The following SPON1 variants were observed in gnomAD, a reference collection of about 807,000 sequenced individuals.
SPON1 encodes the protein spondin 1.
SPON1 carries 52 observed loss-of-function variants against 111.7 expected under a neutral mutation model. That is an observed-to-expected ratio of 0.47 (90% confidence interval 0.37 to 0.59). SPON1 has a LOEUF of 0.59. Ranked by LOEUF, SPON1 falls within the 20% of genes least tolerant of loss-of-function variation. The pLI, the probability that SPON1 is intolerant of heterozygous loss-of-function variation, is 0.00. For missense variants in SPON1, 957 were observed against 1,068.5 expected (o/e 0.90, Z 1.46); for synonymous variants, 410 against 395.8 (o/e 1.04, Z -0.43).
At chr11:13,997,589 C>G (rs1591345144) in intron 2 of SPON1, among the ~76,000 whole-genome samples, 1 of 152,302 alleles carries the variant, frequency 6.6e-6, no homozygotes, top group East Asian at 1.9e-4. Context: ...CTCCATTCCT[C>G]TGTAGATTTG....
chr11:13,970,826 T>C (rs1267825230), intron 1 of SPON1, among the ~76,000 whole-genome samples: 2 of 152,188 alleles, frequency 1.3e-5, no homozygotes, highest in African/African-American at 4.8e-5. Context: ...CCTGATTTTG[T>C]TTTCTTCATA....
intron 6 of SPON1, among the ~76,000 whole-genome samples, chr11:14,184,761 C>T (rs1848268598): frequency 6.6e-6 from 1 of 152,132 alleles, no homozygotes; most frequent in African/African-American, 2.4e-5. Context: ...CATTCTCCAC[C>T]CAGGAATTCC....
rs147583447 is a variant in SPON1 at position 14,236,445 on chromosome 11, G to A, written c.826-6887G>A. Among the ~76,000 whole-genome samples the A allele has an allele frequency of 5.5e-3, 834 of 152,262 alleles. 9 individuals carry two copies. Among genetic ancestry groups the A allele is most frequent in the African/African-American group, 0.019 (791 of 41,530 alleles). On this transcript the variant is annotated intron_variant, in intron 6 of 15. Coordinates refer to ENST00000576479, the MANE Select transcript of SPON1 (RefSeq NM_006108.4). ...AGATCAGGAGTTTGGTTTCAGGCAC[G>A]TTGTTGAGTTTGAGATGCCACTTAG... is the stretch of plus-strand genomic sequence containing the variant.
chr11:14,203,043 GA>G (rs1463230128), intron 6 of SPON1, among the ~76,000 whole-genome samples: 2 of 152,114 alleles, frequency 1.3e-5, no homozygotes, highest in Non-Finnish European at 2.9e-5. Flanking sequence ...TCAAACCCCA[GA>G]AAATCTCCTG....
chr11:14,155,649 A>C (rs1591391508), intron 6 of SPON1, among the ~76,000 whole-genome samples: 7 of 146,324 alleles, frequency 4.8e-5, no homozygotes, highest in South Asian at 2.2e-4. Flanking sequence ...ATCCCTCCCC[A>C]CTCCCCCTAC....
chr11:14,030,696 C>A (rs1848552312), intron 2 of SPON1, among the ~76,000 whole-genome samples: 1 of 152,092 alleles, frequency 6.6e-6, no homozygotes, highest in Non-Finnish European at 1.5e-5. Context: ...GTTAAAAAGA[C>A]AAAAAATAAC....
At chr11:14,030,345 A>T (rs1488122787) in intron 2 of SPON1, among the ~76,000 whole-genome samples, 1 of 152,210 alleles carries the variant, frequency 6.6e-6, no homozygotes, top group Admixed American at 6.5e-5. Context: ...CAACTCACAT[A>T]GCATGGAGGA....
At chr11:14,181,879 C>T (rs147459597) in intron 6 of SPON1, among the ~76,000 whole-genome samples, 6 of 152,146 alleles carry the variant, frequency 3.9e-5, no homozygotes, top group Non-Finnish European at 7.4e-5. Context: ...GTAATGATAA[C>T]GCCCATAAAT....
At chr11:14,060,466 G>A (rs1554919730) in intron 3 of SPON1, among the ~76,000 whole-genome samples, 2 of 152,120 alleles carry the variant, frequency 1.3e-5, no homozygotes, top group African/African-American at 4.8e-5. Flanking sequence ...ACTTGAGCAA[G>A]GTACTTGATC....
At chr11:14,206,272 C>A (rs1200811735) in intron 6 of SPON1, among the ~76,000 whole-genome samples, 2 of 152,232 alleles carry the variant, frequency 1.3e-5, no homozygotes, top group East Asian at 3.9e-4. Context: ...TGGCTCACTG[C>A]AACCTCCGCC....
intron 7 of SPON1, among the ~76,000 whole-genome samples, 189 bp downstream of exon 7, chr11:14,243,585 GCT>G (rs1848954413): frequency 6.6e-6 from 1 of 152,190 alleles, no homozygotes; most frequent in Non-Finnish European, 1.5e-5. Context: ...GCAGGCTCAG[GCT>G]CTGTTTTCCC....
At chr11:14,220,459 T>C (rs1210771319) in intron 6 of SPON1, among the ~76,000 whole-genome samples, 11 of 152,230 alleles carry the variant, frequency 7.2e-5, no homozygotes, top group African/African-American at 2.7e-4. Flanking sequence ...AAGGTGACAT[T>C]GTTAGGCTGT....
At chr11:14,261,104 C>CTA (rs1469424645) in intron 14 of SPON1, among the ~76,000 whole-genome samples, 6 of 152,124 alleles carry the variant, frequency 3.9e-5, no homozygotes. Flanking sequence ...CATTTTAATT[C>CTA]TATTTTCCCT....
chr11:14,087,452 G>A (rs549740947), intron 5 of SPON1, among the ~76,000 whole-genome samples: 1 of 152,158 alleles, frequency 6.6e-6, no homozygotes, highest in Non-Finnish European at 1.5e-5. Context: ...TAGTTGTGTG[G>A]TTTTGAGTGA....
intron 6 of SPON1, among the ~76,000 whole-genome samples, chr11:14,204,715 T>TC (rs1432123126): frequency 3.3e-5 from 5 of 152,000 alleles, no homozygotes; most frequent in African/African-American, 1.2e-4. Flanking sequence ...TTTTGGTTTT[T>TC]TTTTTGTTTG....
In SPON1 at chr11:14,135,689, G is replaced by C; in HGVS notation, c.825+121G>C. On this transcript the variant is annotated intron_variant, in intron 6 of 15. Coordinates refer to ENST00000576479, the MANE Select transcript of SPON1 (RefSeq NM_006108.4). This position sits in a 1 kb window ranked among gnomAD's most constrained non-coding sequence, Gnocchi z 4.4. ...TGTGGTGGAAGAAAATCTATTTGCT[G>C]AGTTTGGGGGTTTTATGTTAAGTAG... 1.0e-6 allele frequency: 1 copy of C among 997,500 alleles called. No homozygotes were observed. The highest frequency in any genetic ancestry group is 1.5e-6 in the Non-Finnish European group (1 of 678,370). The allele number at this position is 997,500 out of a possible 1,614,324, so 61.8% of individuals were successfully genotyped here.
At chr11:14,262,295 C>G (rs900734880) in intron 14 of SPON1, among the ~76,000 whole-genome samples, 1 of 152,198 alleles carries the variant, frequency 6.6e-6, no homozygotes, top group Admixed American at 6.5e-5. Context: ...AGCTTGTTGA[C>G]TTGTTCTCTC....
At chr11:14,028,011 C>T (rs1482918570) in intron 2 of SPON1, among the ~76,000 whole-genome samples, 8 of 152,138 alleles carry the variant, frequency 5.3e-5, no homozygotes, top group African/African-American at 1.9e-4. Flanking sequence ...AGCAGGTCCT[C>T]ATGTGAAAAA....
intron 2 of SPON1, among the ~76,000 whole-genome samples, chr11:13,994,590 T>C (rs1554911564): frequency 6.6e-6 from 1 of 152,126 alleles, no homozygotes. Context: ...ATAGATCAAA[T>C]TTAGCAAGAT....
Sources: gnomAD v4.1 joint callset for allele counts (sites outside exome capture counted in the v4.1 genomes callset) on GRCh38, gnomAD v4.1.1 for gene constraint, Gnocchi (gnomAD v3.1) non-coding constraint, MANE v1.5 for transcripts, NCBI Gene and HGNC (gene_info 2026-07-23, HGNC 2026-07-21) for gene names.